Variants in SGMS1 observed in about 807,000 individuals in gnomAD.
SGMS1 encodes sphingomyelin synthase 1, also known as phosphatidylcholine:ceramide cholinephosphotransferase 1.
In SGMS1, 13 loss-of-function variants were observed where a neutral mutation model predicts 46.2. The observed-to-expected ratio is 0.28, with a 90% CI of 0.18 to 0.45. SGMS1 has a LOEUF of 0.45. SGMS1 is among the 20% of genes least tolerant of loss of function. The pLI is 1.00. For missense variants in SGMS1, 324 were observed against 519.9 expected, an observed-to-expected ratio of 0.62 and a Z score of 3.66; for synonymous variants, 203 against 187.8, an observed-to-expected ratio of 1.08 and a Z score of -0.66.
At chr10:50,558,908 G>A (rs1396123403) in intron 2 of SGMS1, among the ~76,000 whole-genome samples, 6 of 151,858 alleles carry the variant, frequency 4.0e-5, no homozygotes, top group African/African-American at 1.2e-4. Flanking sequence ...TACATTTTCC[G>A]TAAGGTTTCC....
At chr10:50,468,048 T>C (rs1214850584) in intron 3 of SGMS1, among the ~76,000 whole-genome samples, 1 of 152,132 alleles carries the variant, frequency 6.6e-6, no homozygotes, top group East Asian at 1.9e-4. Context: ...GTGGCCTTCT[T>C]TCTATAGGTA....
chr10:50,521,214 T>C (rs577231639), intron 2 of SGMS1, among the ~76,000 whole-genome samples: 106 of 152,268 alleles, frequency 7.0e-4, no homozygotes, highest in African/African-American at 2.5e-3. Context: ...TACAGAAGAG[T>C]TGTAGAATAA....
intron 3 of SGMS1, among the ~76,000 whole-genome samples, 191 bp from the exon 4 acceptor site, chr10:50,467,123 A>C (rs1445288219): frequency 6.6e-6 from 1 of 152,052 alleles, no homozygotes; most frequent in Non-Finnish European, 1.5e-5. Flanking sequence ...TCTATTAGAC[A>C]ACGCCAAGCA....
chr10:50,535,043 G>A (rs945173114), intron 2 of SGMS1, among the ~76,000 whole-genome samples: 3 of 152,146 alleles, frequency 2.0e-5, no homozygotes, highest in Non-Finnish European at 4.4e-5. Context: ...AGACCAGCCT[G>A]GCCAACATGG....
rs1848500033 is a variant in SGMS1 at position 50,374,886 on chromosome 10, C to T, written c.-231-30541G>A. Among the ~76,000 whole-genome samples, 3 of 152,164 alleles carry T rather than the reference C, an allele frequency of 2.0e-5. No homozygotes were observed. In the South Asian group the frequency reaches 6.2e-4, roughly 31 times the overall value. ...CTACTTCAAGCCTCTGTTCAAATATCCTTAATATCAACTGAATGTCCCTTG... is the reference window on the plus strand; with the variant it reads ...CTACTTCAAGCCTCTGTTCAAATATTCTTAATATCAACTGAATGTCCCTTG... On this transcript the variant is annotated intron_variant, in intron 6 of 10. Transcript: ENST00000361781.
At chr10:50,561,266 C>A (rs1277494046) in intron 2 of SGMS1, among the ~76,000 whole-genome samples, 4 of 152,180 alleles carry the variant, frequency 2.6e-5, no homozygotes, top group Non-Finnish European at 4.4e-5. Flanking sequence ...TACATCAACT[C>A]ATTACAATAC....
At chr10:50,453,792 AGG>A in intron 5 of SGMS1, among the ~76,000 whole-genome samples, 7 of 37,336 alleles carry the variant, frequency 1.9e-4, no homozygotes, top group East Asian at 6.8e-4. Flanking sequence ...GGAGGGAGGG[AGG>A]GGAGAGGAAG....
chr10:50,365,255 C>CAAAAGAAAAAAAAAAAAAAAAAAAAAA (rs1848316194), intron 6 of SGMS1, among the ~76,000 whole-genome samples: 1 of 45,026 alleles, frequency 2.2e-5, no homozygotes, highest in Non-Finnish European at 4.3e-5. Context: ...TCCATCTCAC[C>CAAAAGAAAAAAAAAAAAAAAAAAAAAA]AAAAAAAAAA....
intron 3 of SGMS1, among the ~76,000 whole-genome samples, chr10:50,483,132 T>C (rs1465874504): frequency 6.6e-6 from 1 of 152,210 alleles, no homozygotes; most frequent in Non-Finnish European, 1.5e-5. Flanking sequence ...CAGGCTGGAG[T>C]GCAGTGGCAT....
At chr10:50,376,514 T>C (rs1301641045) in intron 6 of SGMS1, among the ~76,000 whole-genome samples, 1 of 152,204 alleles carries the variant, frequency 6.6e-6, no homozygotes, top group Non-Finnish European at 1.5e-5. Context: ...ACACGTGCCA[T>C]GTTGGTGTGC....
intron 2 of SGMS1, among the ~76,000 whole-genome samples, chr10:50,568,711 C>T (rs1444376106): frequency 6.6e-6 from 1 of 152,152 alleles, no homozygotes; most frequent in African/African-American, 2.4e-5. Context: ...AGATAGTACA[C>T]ACAAATTATT....
At chr10:50,593,316 C>T (rs988010313) in intron 1 of SGMS1, among the ~76,000 whole-genome samples, 1 of 152,202 alleles carries the variant, frequency 6.6e-6, no homozygotes, top group African/African-American at 2.4e-5. Flanking sequence ...CAGAACCACC[C>T]TGCTTAGCTG....
chr10:50,539,235 T>C (rs1010930), intron 2 of SGMS1, among the ~76,000 whole-genome samples: 45,617 of 152,118 alleles, frequency 0.3, 7,808 homozygotes, highest in East Asian at 0.64. Flanking sequence ...TTCCCGCCTG[T>C]GTCAGCTGTG....
intron 8 of SGMS1, among the ~76,000 whole-genome samples, chr10:50,316,270 G>A (rs1350272432): frequency 6.6e-6 from 1 of 152,176 alleles, no homozygotes; most frequent in East Asian, 1.9e-4. Context: ...TTGTTGAAGA[G>A]CTGAAAGTGA....
In SGMS1 at chr10:50,317,336, T is replaced by C. The variant is rs117353845; in HGVS notation, c.742-5921A>G. Among the ~76,000 whole-genome samples, 190 of 152,350 alleles carry C rather than the reference T, an allele frequency of 1.2e-3. 1 individual carries two copies. In the South Asian group the frequency reaches 0.018, roughly 14 times the overall value. ...ACAAAATAAAACAATATCTTTTGTT[T>C]GTACACAGATTCCAACATTTTAGCA... On this transcript the variant is annotated intron_variant, in intron 8 of 10. Coordinates refer to ENST00000361781, the MANE Select transcript of SGMS1 (RefSeq NM_147156.4).
chr10:50,505,025 A>G (rs543159474), intron 3 of SGMS1, among the ~76,000 whole-genome samples: 1 of 152,286 alleles, frequency 6.6e-6, no homozygotes, highest in East Asian at 1.9e-4. Context: ...TGCAGGTAAC[A>G]CGGCAAAACC....
At chr10:50,354,362 T>C (rs1331305728) in intron 6 of SGMS1, among the ~76,000 whole-genome samples, 2 of 152,146 alleles carry the variant, frequency 1.3e-5, no homozygotes, top group Non-Finnish European at 2.9e-5. Flanking sequence ...ATTTAATAAA[T>C]GGTGCTGGGA....
At chr10:50,405,478 C>G (rs1482046538) in intron 6 of SGMS1, among the ~76,000 whole-genome samples, 1 of 152,128 alleles carries the variant, frequency 6.6e-6, no homozygotes, top group Admixed American at 6.5e-5. Flanking sequence ...ATAAATTATG[C>G]ATTGCATGGT....
intron 2 of SGMS1, among the ~76,000 whole-genome samples, chr10:50,559,314 C>T (rs1838214366): frequency 1.3e-5 from 2 of 152,306 alleles, no homozygotes; most frequent in African/African-American, 2.4e-5. Context: ...CCCACCCTGA[C>T]CCAGCTGCCA....
Sources: gnomAD v4.1 joint callset for allele counts (sites outside exome capture counted in the v4.1 genomes callset) on GRCh38, gnomAD v4.1.1 for gene constraint, MANE v1.5 for transcripts, NCBI Gene and HGNC (gene_info 2026-07-23, HGNC 2026-07-21) for gene names.